Variants in UBE3C observed in about 807,000 individuals in gnomAD.
UBE3C encodes ubiquitin protein ligase E3C, also known as ubiquitin-protein ligase E3C.
UBE3C carries 42 observed loss-of-function variants against 129.4 expected under a neutral mutation model. That is an observed-to-expected ratio of 0.32 (90% CI 0.25 to 0.42). The LOEUF (loss-of-function observed/expected upper bound fraction) is 0.42. UBE3C is among the 10% of genes least tolerant of loss of function. UBE3C has a pLI of 1.00. For missense variants in UBE3C, 1,049 were observed against 1,319.1 expected (o/e 0.80, Z 3.17); for synonymous variants, 510 against 492.4 (o/e 1.04, Z -0.47).
chr7:157,183,739 A>G (rs771079771), intron 8 of UBE3C, 139 bp from the exon 9 acceptor site: 29 of 1,079,660 alleles, frequency 2.7e-5, no homozygotes, highest in Non-Finnish European at 3.6e-5. Context: ...TATGTTTCCT[A>G]TTATAACACA....
chr7:157,203,513 T>C (rs529114167), intron 11 of UBE3C, among the ~76,000 whole-genome samples: 1 of 152,290 alleles, frequency 6.6e-6, no homozygotes, highest in Admixed American at 6.5e-5. Flanking sequence ...GACAGGAAAT[T>C]ATCGTTTACC....
chr7:157,225,444 T>G lies in UBE3C; in HGVS notation c.2138T>G (p.Val713Gly). ...TTGATTTATGCAGATAAGCAAGAAG[T>G]TCAAGGAGATGGTCCATTTCTGGAT... The part of the protein sequence containing the change: ...QRLIYADKQE[V>G]QGDGPFLDGI... Residue 713 changes from valine (V) to glycine (G), a missense_variant, in exon 17 of 23, where the codon GTT becomes GGT. Coordinates refer to ENST00000348165, the MANE Select transcript of UBE3C (RefSeq NM_014671.3). 2 of 1,607,396 alleles carry G rather than the reference T, an allele frequency of 1.2e-6. No homozygotes were observed. Among genetic ancestry groups the G allele is most frequent in the Non-Finnish European group, 1.7e-6 (2 of 1,178,492 alleles).
At chr7:157,219,122 C>T (rs1169895138) in intron 14 of UBE3C, among the ~76,000 whole-genome samples, 1 of 152,150 alleles carries the variant, frequency 6.6e-6, no homozygotes, top group African/African-American at 2.4e-5. Context: ...CAGGGCGGTG[C>T]CACTCCAGGT....
At chr7:157,183,140 T>C (rs1563044920) in intron 8 of UBE3C, among the ~76,000 whole-genome samples, 2 of 152,146 alleles carry the variant, frequency 1.3e-5, no homozygotes, top group Admixed American at 1.3e-4. Flanking sequence ...AATTCTTCAG[T>C]GGACACCAAC....
intron 4 of UBE3C, among the ~76,000 whole-genome samples, chr7:157,174,120 T>A (rs1808451837): frequency 6.6e-6 from 1 of 152,146 alleles, no homozygotes; most frequent in Non-Finnish European, 1.5e-5. Context: ...CCCAGCGCTT[T>A]GGGAGGCTGA....
Position 157,248,538 on chromosome 7 carries a change from G to A in UBE3C, c.2652G>A (p.Gly884=). 1 of 1,612,764 alleles carries A rather than the reference G, an allele frequency of 6.2e-7. No homozygotes were observed. Among genetic ancestry groups the A allele is most frequent in the Non-Finnish European group, 8.5e-7 (1 of 1,180,032 alleles). The stretch of plus-strand genomic sequence containing the variant: ...ACGAAGACGATGTGGAGGAGCTTGG[G>A]CTGAACTTCACTGTGGTGAACAATG... ...KSYEDDVEEL[G]LNFTVVNNDL... Residue 884 remains glycine (G), a synonymous_variant, in exon 19 of 23, where the codon GGG becomes GGA. Coordinates refer to ENST00000348165, the MANE Select transcript of UBE3C (RefSeq NM_014671.3).
chr7:157,215,729 T>C (rs896981836), intron 13 of UBE3C, among the ~76,000 whole-genome samples: 1 of 152,030 alleles, frequency 6.6e-6, no homozygotes, highest in Non-Finnish European at 1.5e-5. Flanking sequence ...GTAGTAGTTA[T>C]ATGATCCAAT....
intron 18 of UBE3C, among the ~76,000 whole-genome samples, chr7:157,238,366 C>T (rs973196494): frequency 3.3e-5 from 5 of 151,884 alleles, no homozygotes; most frequent in Non-Finnish European, 7.4e-5. Context: ...AGCACTCAAG[C>T]TGGGAGACCG....
intron 17 of UBE3C, among the ~76,000 whole-genome samples, chr7:157,227,341 T>C (rs879623999): frequency 1.5e-4 from 23 of 152,230 alleles, no homozygotes; most frequent in Admixed American, 1.4e-3. Flanking sequence ...GTGGGGGGGC[T>C]GTAAGCTCTT....
At chr7:157,201,545 G>A (rs570829190) in intron 10 of UBE3C, among the ~76,000 whole-genome samples, 176 bp from the exon 11 acceptor site, 59 of 150,950 alleles carry the variant, frequency 3.9e-4, no homozygotes, top group Non-Finnish European at 6.0e-4. Flanking sequence ...GCCGTGTCTC[G>A]GTGTCTCATC....
chr7:157,259,677 G>C (rs979907976), intron 22 of UBE3C, among the ~76,000 whole-genome samples: 1 of 152,164 alleles, frequency 6.6e-6, no homozygotes, highest in African/African-American at 2.4e-5. Context: ...CCTTTGAAAG[G>C]CACATTTAGA....
rs550999173 is a variant in UBE3C at position 157,257,194 on chromosome 7, A to T, written c.3081+150A>T. The T allele has an allele frequency of 1.2e-5, 14 of 1,159,134 alleles. No homozygotes were observed. The East Asian group carries it at 3.7e-4, about 31-fold the overall frequency. 71.8% of individuals were successfully genotyped at this position (1,159,134 alleles called of 1,614,324 possible). ...TAATTAAGTACTGGTTATGATGTAT[A>T]TATTTTGGTGCTAGTTTTATTTGGG... On this transcript the variant is annotated intron_variant, in intron 22 of 22. Coordinates refer to ENST00000348165, the MANE Select transcript of UBE3C (RefSeq NM_014671.3).
chr7:157,238,151 C>A (rs1300290933), intron 18 of UBE3C, among the ~76,000 whole-genome samples: 5 of 151,990 alleles, frequency 3.3e-5, no homozygotes, highest in Non-Finnish European at 5.9e-5. Flanking sequence ...AAATAAAAGC[C>A]AAATGAAGGT....
intron 11 of UBE3C, among the ~76,000 whole-genome samples, chr7:157,206,026 C>T (rs1051336690): frequency 2.0e-5 from 3 of 152,090 alleles, no homozygotes; most frequent in Admixed American, 1.3e-4. Flanking sequence ...CTAATATATA[C>T]CTGTAGTTTT....
chr7:157,168,877 C>T (rs1022433933), intron 2 of UBE3C, among the ~76,000 whole-genome samples, 171 bp from the exon 3 acceptor site: 3 of 152,146 alleles, frequency 2.0e-5, no homozygotes, highest in African/African-American at 7.2e-5. Context: ...GTGATGGTTG[C>T]ATAGCTCTTA....
At chr7:157,158,639 G>T (rs1394584881) in intron 1 of UBE3C, among the ~76,000 whole-genome samples, 3 of 152,216 alleles carry the variant, frequency 2.0e-5, no homozygotes, top group Admixed American at 2.0e-4. Context: ...TTGAGCAGCT[G>T]TTATTTTCCT....
intron 18 of UBE3C, among the ~76,000 whole-genome samples, chr7:157,236,729 CT>C (rs141390317): frequency 7.4e-5 from 11 of 148,788 alleles, no homozygotes; most frequent in African/African-American, 2.5e-4. Context: ...ACCCTAAACT[CT>C]TTTTTTTTTC....
intron 22 of UBE3C, among the ~76,000 whole-genome samples, chr7:157,262,752 C>G (rs1039474030): frequency 6.6e-6 from 1 of 152,056 alleles, no homozygotes; most frequent in Non-Finnish European, 1.5e-5. Flanking sequence ...TGTGCTCTTA[C>G]TAGTTTTACC....
intron 18 of UBE3C, among the ~76,000 whole-genome samples, chr7:157,245,619 AT>A (rs1796451953): frequency 6.6e-6 from 1 of 152,198 alleles, no homozygotes; most frequent in Admixed American, 6.5e-5. Flanking sequence ...TTCAAAATTA[AT>A]TGGGTAATCA....
Sources: allele counts gnomAD v4.1 joint callset (sites outside exome capture counted in the v4.1 genomes callset), GRCh38; gene constraint gnomAD v4.1.1; transcripts MANE v1.5; gene names NCBI Gene and HGNC (gene_info 2026-07-23, HGNC 2026-07-21).